Variants in MOV10L1 observed in about 807,000 individuals in gnomAD.
MOV10L1 encodes Mov10 like RNA helicase 1, also known as RNA helicase Mov10l1.
Under a neutral mutation model 143.8 loss-of-function variants are expected in MOV10L1, and 110 were observed. That is an observed-to-expected ratio of 0.76 (90% CI 0.66 to 0.90). The LOEUF is 0.90. Ranked by LOEUF, MOV10L1 falls within the 40% of genes least tolerant of loss-of-function variation. The pLI is 0.00. For missense variants in MOV10L1, 1,406 were observed against 1,526.8 expected (o/e 0.92, Z 1.32); for synonymous variants, 593 against 581.1 (o/e 1.02, Z -0.29).
At position 50,142,122 on chromosome 22, in the gene MOV10L1, G is replaced by A. The variant is rs780985781; in HGVS notation, c.2112G>A (p.Glu704=). ...CGGACCAAGCTGAGCATGGAACAGA[G>A]GAGAGGCGTGTTGGTGACAAGGACC... ...TMTDQAEHGT[E]ERRVGDKDLP... is the part of the protein sequence containing the mutation. Residue 704 remains glutamate, a synonymous_variant, in exon 16 of 27, where the codon GAG becomes GAA. Transcript: ENST00000262794. 1.2e-6 allele frequency: 2 copies of A among 1,613,706 alleles called. No homozygotes were observed. The highest frequency in any genetic ancestry group is 2.2e-5 in the East Asian group (1 of 44,826).
At chr22:50,137,179 A>C (rs1021163408) in intron 15 of MOV10L1, among the ~76,000 whole-genome samples, 1 of 152,206 alleles carries the variant, frequency 6.6e-6, no homozygotes, top group Admixed American at 6.5e-5. Flanking sequence ...AAAAGGAGAA[A>C]ATTTAGTCAA....
chr22:50,142,295 G>A (rs2063011623), intron 16 of MOV10L1, 106 bp downstream of exon 16: 1 of 813,026 alleles, frequency 1.2e-6, no homozygotes, highest in Non-Finnish European at 1.9e-6. Flanking sequence ...ACAGTAGGGG[G>A]CGTGTGGCCT....
intron 1 of MOV10L1, 70 bp downstream of exon 1, chr22:50,090,255 C>T: frequency 7.0e-7 from 1 of 1,419,810 alleles, no homozygotes; most frequent in Non-Finnish European, 9.2e-7. Context: ...GAGCCGCGCC[C>T]ATAGGTCTTT....
chr22:50,144,789 G>A (rs578140504), intron 18 of MOV10L1, among the ~76,000 whole-genome samples: 77 of 152,084 alleles, frequency 5.1e-4, no homozygotes, highest in Non-Finnish European at 9.0e-4. Flanking sequence ...CACCGTGTTA[G>A]CCAGGATGGT....
In MOV10L1 at chr22:50,092,116, G is replaced by A. The variant is rs767902709; in HGVS notation, c.213G>A (p.Leu71=). Residue 71 remains leucine (L), a synonymous_variant, in exon 2 of 27, where the codon CTG becomes CTA. Transcript: ENST00000262794. ...ATGCTGTGACTAGCAGAGTGCTTCT[G>A]AATGTTGGACAGGAAGTGATTGCAG... ...SSDAVTSRVL[L]NVGQEVIAVV... 2 of 1,614,214 alleles carry A rather than the reference G, an allele frequency of 1.2e-6. No individual in the cohort carries two copies. The highest frequency in any genetic ancestry group is 2.2e-5 in the South Asian group (2 of 91,084).
chr22:50,101,007 A>G (rs1462791096), intron 3 of MOV10L1, among the ~76,000 whole-genome samples: 1 of 152,130 alleles, frequency 6.6e-6, no homozygotes, highest in East Asian at 1.9e-4. Context: ...AGACCTGTGC[A>G]TACATTGTGG....
At chr22:50,125,830 C>T (rs1053908554) in intron 11 of MOV10L1, among the ~76,000 whole-genome samples, 5 of 151,888 alleles carry the variant, frequency 3.3e-5, no homozygotes, top group Non-Finnish European at 7.4e-5. Context: ...CTGTGTCGCC[C>T]AGGCTGGAGT....
At position 50,158,148 on chromosome 22, in the gene MOV10L1, GCATCTC is replaced by G. The variant is rs779337460; in HGVS notation, c.3161_3166del (p.Ile1054_Ser1055del). ...CGCTACTGCTGCCTCCTGGCCCACA[GCATCTC>G]CAGTCAGGTGTCTGCCAGCGACATT... On this transcript the variant is annotated inframe_deletion, in exon 23 of 27. Coordinates refer to ENST00000262794, the MANE Select transcript of MOV10L1 (RefSeq NM_018995.3). This position sits in a 1 kb window ranked among gnomAD's most constrained non-coding sequence, Gnocchi z 5.0. 1.2e-6 allele frequency: 2 copies of G among 1,614,194 alleles called. No individual in the cohort carries two copies. The highest frequency in any genetic ancestry group is 1.7e-6 in the Non-Finnish European group (2 of 1,180,040).
At chr22:50,112,894 C>G (rs2062061831) in intron 5 of MOV10L1, among the ~76,000 whole-genome samples, 4 of 152,242 alleles carry the variant, frequency 2.6e-5, no homozygotes, top group Admixed American at 6.5e-5. Flanking sequence ...CCTCCCTTGT[C>G]ACACCAGGGC....
At position 50,145,700 on chromosome 22, in the gene MOV10L1, C is replaced by T. The variant is rs374154377; in HGVS notation, c.2517C>T (p.Asp839=). The change falls in exon 19 of 27, where the codon GAC becomes GAT. Residue 839 remains aspartate (D), a synonymous_variant. Coordinates refer to ENST00000262794, the MANE Select transcript of MOV10L1 (RefSeq NM_018995.3). ...ATCRFEEIVI[D]AVKPYCRDGE... ...CTCCTTGCCCCCAGATAGTTATTGA[C>T]GCCGTCAAACCGTATTGCAGAGACG... is the stretch of plus-strand genomic sequence containing the variant. 5.3e-5 allele frequency: 86 copies of T among 1,613,922 alleles called. No homozygotes were observed. Among genetic ancestry groups the T allele is most frequent in the South Asian group, 3.1e-4 (28 of 91,088 alleles).
In MOV10L1 at chr22:50,161,364, A is replaced by G. The variant is rs758334466; in HGVS notation, c.3555-4A>G. On this transcript the variant is annotated splice_polypyrimidine_tract_variant and splice_region_variant and intron_variant, in intron 26 of 26. Coordinates refer to ENST00000262794, the MANE Select transcript of MOV10L1 (RefSeq NM_018995.3). ...CTGGCCATCCGCTTCTCCTCTGTCT[A>G]CAGCTGTGGCGAGGGGGTGGCAGAC... 4 of 1,588,690 alleles carry G rather than the reference A, an allele frequency of 2.5e-6. No individual in the cohort carries two copies. The highest frequency in any genetic ancestry group is 2.6e-6 in the Non-Finnish European group (3 of 1,167,536).
rs2063316273 is a variant in MOV10L1 at position 50,152,127 on chromosome 22, T to C, written c.2893-918T>C. Among the ~76,000 whole-genome samples, 1 of 149,194 alleles carries C rather than the reference T, an allele frequency of 6.7e-6. No homozygotes were observed. Among genetic ancestry groups the C allele is most frequent in the Non-Finnish European group, 1.5e-5 (1 of 66,690 alleles). On this transcript the variant is annotated intron_variant, in intron 21 of 26. Transcript: ENST00000262794. The surrounding 1 kb of genome is among the most constrained non-coding windows in gnomAD (Gnocchi z 4.4). ...TCATGGCGTTCTCGTGCCAGTGTCA[T>C]CTGGCGAGTAACAGACAGCACTGCA... is the stretch of plus-strand genomic sequence containing the variant.
chr22:50,154,694 G>A (rs1417926107), intron 22 of MOV10L1, among the ~76,000 whole-genome samples: 3 of 152,168 alleles, frequency 2.0e-5, no homozygotes, highest in Non-Finnish European at 4.4e-5. Context: ...CCTCGTTCTC[G>A]TCGTGCTCCT....
intron 8 of MOV10L1, 135 bp from the exon 9 acceptor site, chr22:50,117,022 T>C: frequency 1.2e-6 from 1 of 828,672 alleles, no homozygotes; most frequent in Non-Finnish European, 1.8e-6. Flanking sequence ...ATCTCTTTTT[T>C]CTCTGTAAAA....
Position 50,158,405 on chromosome 22 carries a change from C to T in MOV10L1, c.3216+199C>T. The T allele has an allele frequency of 1.7e-6, 1 of 580,882 alleles. No individual in the cohort carries two copies. The highest frequency in any genetic ancestry group is 3.1e-5 in the East Asian group (1 of 31,746). The allele number at this position is 580,882 out of a possible 1,614,324, so 36.0% of individuals were successfully genotyped here. A position where few individuals can be genotyped will look rare whatever the true frequency, so the allele number is the denominator to read the frequency against. Reference sequence around the variant, plus strand: ...TGGGCCAGTTCCGGGCAGCTGCCAGCTTTTCTACGGCCAGAGCCTCGAACA... The same window carrying T: ...TGGGCCAGTTCCGGGCAGCTGCCAGTTTTTCTACGGCCAGAGCCTCGAACA... On this transcript the variant is annotated intron_variant, in intron 23 of 26. Transcript: ENST00000262794. The surrounding 1 kb of genome is among the most constrained non-coding windows in gnomAD (Gnocchi z 5.0).
At chr22:50,094,952 G>C (rs148688985) in intron 2 of MOV10L1, 1 of 152,182 alleles carries the variant, frequency 6.6e-6, no homozygotes, top group Non-Finnish European at 1.5e-5. Context: ...AGCCAGGCGC[G>C]GTGGCATAAA....
chr22:50,128,540 C>CTTTTT (rs36022529), intron 13 of MOV10L1, 33 bp downstream of exon 13: 44 of 487,854 alleles, frequency 9.0e-5, no homozygotes, highest in African/African-American at 1.8e-4. Context: ...TTTCAAATGT[C>CTTTTT]TTTTTTTTTT....
chr22:50,146,020 G>A (rs531004239), intron 19 of MOV10L1, among the ~76,000 whole-genome samples: 1 of 152,326 alleles, frequency 6.6e-6, no homozygotes, highest in South Asian at 2.1e-4. Flanking sequence ...GCCAGCAGTG[G>A]GATGGGCAGG....
At chr22:50,092,987 G>T (rs565474491) in intron 2 of MOV10L1, 1 of 151,748 alleles carries the variant, frequency 6.6e-6, no homozygotes, top group African/African-American at 2.4e-5. Context: ...TGCAAGCTCC[G>T]CCTCCTGGGT....
Sources: gnomAD v4.1 joint callset for allele counts (sites outside exome capture counted in the v4.1 genomes callset) on GRCh38, gnomAD v4.1.1 for gene constraint, Gnocchi (gnomAD v3.1) non-coding constraint, MANE v1.5 for transcripts, NCBI Gene and HGNC (gene_info 2026-07-23, HGNC 2026-07-21) for gene names.